Variants in C11orf65 observed in about 807,000 individuals in gnomAD.
The protein encoded by C11orf65 is chromosome 11 open reading frame 65, also known as protein MFI.
A neutral mutation model predicts 35.3 loss-of-function variants in C11orf65; 38 were observed. The ratio of observed to expected loss-of-function variants is 1.08; its 90% CI spans 0.83 to 1.41. The LOEUF is 1.41. C11orf65 is among the 40% of genes most tolerant of loss of function. The pLI, the probability that C11orf65 is intolerant of heterozygous loss-of-function variation, is 0.00. For missense variants in C11orf65, 370 were observed against 367.1 expected, an observed-to-expected ratio of 1.01 and a Z score of -0.06; for synonymous variants, 105 against 114.4, an observed-to-expected ratio of 0.92 and a Z score of 0.53.
intron 2 of C11orf65, among the ~76,000 whole-genome samples, chr11:108,375,818 AAGGC>A (rs1274909038): frequency 6.6e-6 from 1 of 152,156 alleles, no homozygotes; most frequent in Non-Finnish European, 1.5e-5. Flanking sequence ...AAAACAAAAA[AAGGC>A]AGGGGTTGCA....
intron 2 of C11orf65, among the ~76,000 whole-genome samples, chr11:108,435,534 C>A (rs1047322550): frequency 6.6e-6 from 1 of 151,858 alleles, no homozygotes; most frequent in Admixed American, 6.6e-5. Context: ...AAGGTCTAGC[C>A]CCTTTAGGAA....
At chr11:108,402,855 T>C (rs566430860) in intron 6 of C11orf65, among the ~76,000 whole-genome samples, 1 of 152,134 alleles carries the variant, frequency 6.6e-6, no homozygotes. Context: ...TTTTGATAGA[T>C]TTATTTCATT....
chr11:108,402,559 A>ATT (rs10714374), intron 6 of C11orf65, among the ~76,000 whole-genome samples: 2 of 148,642 alleles, frequency 1.3e-5, no homozygotes, highest in Non-Finnish European at 3.0e-5. Flanking sequence ...CAGGTTTTTA[A>ATT]TTTTTTTTTT....
At chr11:108,383,554 C>T (rs1297990955) in intron 8 of C11orf65, among the ~76,000 whole-genome samples, 1 of 152,220 alleles carries the variant, frequency 6.6e-6, no homozygotes, top group Non-Finnish European at 1.5e-5. Flanking sequence ...CTTAGAGCAT[C>T]TGGTATTTAG....
chr11:108,468,414 C>G (rs1343649879), upstream of C11orf65, among the ~76,000 whole-genome samples: 1 of 152,206 alleles, frequency 6.6e-6, no homozygotes, highest in African/African-American at 2.4e-5. Context: ...TTTGGCAGTG[C>G]TTTAGTTGGT....
chr11:108,458,627 C>G (rs1565727752), intron 2 of C11orf65, among the ~76,000 whole-genome samples: 1 of 152,150 alleles, frequency 6.6e-6, no homozygotes, highest in Non-Finnish European at 1.5e-5. Flanking sequence ...GTCCAACATA[C>G]AGAAGTTTCT....
downstream of C11orf65, chr11:108,327,488 A>T: frequency 6.5e-6 from 4 of 613,164 alleles, no homozygotes; most frequent in South Asian, 7.3e-5. Context: ...GGGATTATTA[A>T]AATAGTTGTA....
chr11:108,458,751 A>G (rs1184190460), intron 2 of C11orf65, among the ~76,000 whole-genome samples: 1 of 152,144 alleles, frequency 6.6e-6, no homozygotes, highest in African/African-American at 2.4e-5. Flanking sequence ...AGATGGCACA[A>G]AATTTAAAAA....
chr11:108,353,741 A>T lies in C11orf65; in HGVS notation c.227-18449T>A, dbSNP rs2089485836. ...AAGTAAATTAGCTGTCAAACCTCCT[A>T]ACTTCACTGTATTCTTTACTTTAGG... is the stretch of plus-strand genomic sequence containing the variant. On this transcript the variant is annotated intron_variant, in intron 2 of 3. Transcript: ENST00000524755. 3 of 1,555,714 alleles carry T rather than the reference A, an allele frequency of 1.9e-6. No individual in the cohort carries two copies. The East Asian group carries it at 6.7e-5, about 35-fold the overall frequency.
intron 3 of C11orf65, among the ~76,000 whole-genome samples, chr11:108,407,816 C>T (rs2092571252): frequency 6.6e-6 from 1 of 150,540 alleles, no homozygotes; most frequent in East Asian, 2.0e-4. Context: ...CCTGTAGTCT[C>T]AGCTACTCAG....
At chr11:108,337,833 AG>A in intron 2 of C11orf65, among the ~76,000 whole-genome samples, 1 of 152,382 alleles carries the variant, frequency 6.6e-6, no homozygotes, top group East Asian at 1.9e-4. Context: ...GGGTTACAAA[AG>A]TATGGGCTAT....
chr11:108,351,466 C>T (rs2089192619), intron 2 of C11orf65, among the ~76,000 whole-genome samples: 1 of 152,228 alleles, frequency 6.6e-6, no homozygotes, highest in Non-Finnish European at 1.5e-5. Context: ...TATTATCTCT[C>T]ATAGTCTGTT....
At chr11:108,363,499 G>T (rs1029150584) in intron 2 of C11orf65, among the ~76,000 whole-genome samples, 1 of 152,164 alleles carries the variant, frequency 6.6e-6, no homozygotes, top group African/African-American at 2.4e-5. Context: ...TCCCCTAGAG[G>T]ACAGTTGGCA....
intron 5 of C11orf65, among the ~76,000 whole-genome samples, chr11:108,406,537 G>C (rs1173563293): frequency 6.6e-6 from 1 of 152,126 alleles, no homozygotes; most frequent in African/African-American, 2.4e-5. Flanking sequence ...AGATGGTCTA[G>C]ATTCAAAGCT....
At chr11:108,380,164 T>C (rs931336845), downstream of C11orf65, among the ~76,000 whole-genome samples, 1 of 152,204 alleles carries the variant, frequency 6.6e-6, no homozygotes, top group Non-Finnish European at 1.5e-5. Context: ...TGGGCCTTGC[T>C]CATGAATGAG....
At chr11:108,330,303 C>A (rs1324075885), downstream of C11orf65, 3 of 1,614,170 alleles carry the variant, frequency 1.9e-6, no homozygotes, top group South Asian at 3.3e-5. Context: ...TTATGTAAAG[C>A]AGTTGAAAAT....
rs1217692872 is a variant in C11orf65, at chr11:108,365,514, A to G, written c.226+27694T>C. On this transcript the variant is annotated intron_variant, in intron 2 of 3. Transcript: ENST00000524755. ...GATGGAAAGCTTGGGTGTGATCTTC[A>G]GTATATGAATTACCCTTTCATTCAG... 1 of 1,613,936 alleles carries G rather than the reference A, an allele frequency of 6.2e-7. No individual in the cohort carries two copies. The highest frequency in any genetic ancestry group is 8.5e-7 in the Non-Finnish European group (1 of 1,179,888).
intron 7 of C11orf65, among the ~76,000 whole-genome samples, chr11:108,389,927 C>A (rs1388718472): frequency 1.3e-5 from 2 of 152,032 alleles, no homozygotes; most frequent in African/African-American, 4.8e-5. Context: ...ATCTCCTGAC[C>A]TCAAGATCCG....
intron 7 of C11orf65, among the ~76,000 whole-genome samples, chr11:108,386,678 T>C (rs1418073628): frequency 6.6e-6 from 1 of 152,178 alleles, no homozygotes; most frequent in African/African-American, 2.4e-5. Flanking sequence ...ATATCCCACT[T>C]TCCTAAGGTG....
Sources: gnomAD v4.1 joint callset for allele counts (sites outside exome capture counted in the v4.1 genomes callset) on GRCh38, gnomAD v4.1.1 for gene constraint, MANE v1.5 for transcripts, NCBI Gene and HGNC (gene_info 2026-07-23, HGNC 2026-07-21) for gene names.